IRGM: variants seen among roughly 807,000 people sequenced by gnomAD.
The protein encoded by IRGM is immunity related GTPase M.
For missense variants in IRGM, 288 were observed against 219.9 expected (o/e 1.31, Z -1.96); for synonymous variants, 98 against 80.6 (o/e 1.22, Z -1.16).
At chr5:150,882,931 G>A (rs532228669) in intron 3 of IRGM, among the ~76,000 whole-genome samples, 1 of 152,164 alleles carries the variant, frequency 6.6e-6, no homozygotes, top group East Asian at 1.9e-4. Flanking sequence ...CTTTTCAAGT[G>A]CACATAGAAT....
chr5:150,860,706 C>T (rs1177835752), intron 1 of IRGM, among the ~76,000 whole-genome samples: 1 of 152,200 alleles, frequency 6.6e-6, no homozygotes, highest in African/African-American at 2.4e-5. Context: ...TTTGCCACCA[C>T]TATTGCTTCT....
Position 150,847,878 on chromosome 5 carries a change from C to T in IRGM, c.-246C>T, listed in dbSNP as rs569495176. 5.1e-5 allele frequency: 24 copies of T among 473,540 alleles called. No individual in the cohort carries two copies. The highest frequency in any genetic ancestry group is 3.6e-4 in the Admixed American group (10 of 27,514). The allele number at this position is 473,540 out of a possible 1,614,324, so 29.3% of individuals were successfully genotyped here. ...AGTGCAATGGCGTGATCTCAGCTCA[C>T]TGCAATATCTGCGTCCAGGGTTCAA... On this transcript the variant is annotated 5_prime_UTR_variant, in exon 2 of 2. Transcript: ENST00000522154.
chr5:150,855,151 G>C (rs1018075669), intron 1 of IRGM, among the ~76,000 whole-genome samples: 6 of 152,120 alleles, frequency 3.9e-5, no homozygotes. Context: ...CTGGCTGCTA[G>C]CCAGCATTGC....
chr5:150,895,302 A>G, intron 3 of IRGM: 2 of 705,472 alleles, frequency 2.8e-6, no homozygotes, highest in Non-Finnish European at 4.3e-6. Context: ...ACCAAACTAG[A>G]AACAAATTCC....
chr5:150,875,758 C>A (rs952646211), intron 1 of IRGM, among the ~76,000 whole-genome samples: 6 of 152,202 alleles, frequency 3.9e-5, no homozygotes, highest in African/African-American at 1.4e-4. Context: ...CTGCTGAGTG[C>A]CCAATTTGCC....
downstream of IRGM, among the ~76,000 whole-genome samples, chr5:150,852,898 T>C (rs1002079880): frequency 2.0e-5 from 3 of 152,130 alleles, no homozygotes; most frequent in Non-Finnish European, 4.4e-5. Flanking sequence ...AAAATAATAT[T>C]GAGTTTCTTT....
intron 1 of IRGM, among the ~76,000 whole-genome samples, chr5:150,863,150 A>G (rs2113267164): frequency 6.6e-6 from 1 of 152,326 alleles, no homozygotes; most frequent in East Asian, 1.9e-4. Context: ...CAAATTTAGA[A>G]AACAGAATTT....
chr5:150,856,165 G>A (rs1754046281), intron 1 of IRGM, among the ~76,000 whole-genome samples: 1 of 152,142 alleles, frequency 6.6e-6, no homozygotes, highest in Non-Finnish European at 1.5e-5. Flanking sequence ...GGGGGTGGCG[G>A]CTCATACCTG....
In IRGM at chr5:150,883,346, A is replaced by G. The variant is rs1754472422; in HGVS notation, c.*140+3700A>G. On this transcript the variant is annotated intron_variant and NMD_transcript_variant, in intron 3 of 3. Transcript: ENST00000520549. The stretch of plus-strand genomic sequence containing the variant: ...ACAACGTAGTGTTATACCTCAAGGA[A>G]CTAAAAAGATAAGAAAAACTAAGCC... 2.0e-5 allele frequency among the ~76,000 whole-genome samples: 3 copies of G among 150,676 alleles called. No individual in the cohort carries two copies. The South Asian group carries it at 6.3e-4, about 32-fold the overall frequency.
intron 1 of IRGM, among the ~76,000 whole-genome samples, chr5:150,870,417 C>A (rs1160309272): frequency 2.6e-5 from 4 of 151,718 alleles, no homozygotes; most frequent in Non-Finnish European, 5.9e-5. Flanking sequence ...ACCAGTAAGA[C>A]AATTTGCTGA....
rs1412224724 is a variant in IRGM, at chr5:150,848,312, A to G, written c.189A>G (p.Ser63=). 6.4e-7 allele frequency: 1 copy of G among 1,551,538 alleles called. No homozygotes were observed. Among genetic ancestry groups the G allele is most frequent in the Admixed American group, 2.0e-5 (1 of 50,972 alleles). ...ACACAGGACATGAGGGTAAGGCCTC[A>G]CCTCCTACTGAGCTGGTAAAAGCTA... is the stretch of plus-strand genomic sequence containing the variant. ...LRNTGHEGKA[S]PPTELVKATQ... Residue 63 remains serine, a synonymous_variant, in exon 2 of 2, where the codon TCA becomes TCG. Transcript: ENST00000522154.
At chr5:150,885,327 A>G (rs1011852717) in intron 3 of IRGM, among the ~76,000 whole-genome samples, 2 of 149,342 alleles carry the variant, frequency 1.3e-5, no homozygotes, top group East Asian at 2.3e-4. Flanking sequence ...GCACTGTAGT[A>G]TAGTTTGAAG....
intron 1 of IRGM, among the ~76,000 whole-genome samples, chr5:150,873,053 G>T (rs963560261): frequency 1.3e-5 from 2 of 152,174 alleles, no homozygotes; most frequent in Non-Finnish European, 2.9e-5. Flanking sequence ...TCCCGAGGTG[G>T]CACGAGCCAA....
chr5:150,872,423 TCTC>T (rs1300461893), intron 1 of IRGM, among the ~76,000 whole-genome samples: 3 of 152,140 alleles, frequency 2.0e-5, no homozygotes, highest in Non-Finnish European at 4.4e-5. Flanking sequence ...CAATGTTTAT[TCTC>T]CTCAGGAACC....
chr5:150,865,667 T>G (rs1264559731), intron 1 of IRGM, among the ~76,000 whole-genome samples: 1 of 152,192 alleles, frequency 6.6e-6, no homozygotes, highest in East Asian at 1.9e-4. Flanking sequence ...CCAACAAATA[T>G]TAACAGGCTT....
chr5:150,867,589 T>C (rs1754225299), intron 1 of IRGM, among the ~76,000 whole-genome samples: 1 of 152,206 alleles, frequency 6.6e-6, no homozygotes, highest in Non-Finnish European at 1.5e-5. Context: ...TAGTTTACAT[T>C]CTTACCAGCA....
intron 1 of IRGM, among the ~76,000 whole-genome samples, chr5:150,870,342 C>A (rs569073881): frequency 6.6e-6 from 1 of 152,124 alleles, no homozygotes; most frequent in South Asian, 2.1e-4. Context: ...GGTGGAGATG[C>A]CCTTGATTTT....
chr5:150,858,683 A>G (rs201787378), intron 1 of IRGM, among the ~76,000 whole-genome samples: 16,272 of 151,794 alleles, frequency 0.11, 1,143 homozygotes, highest in East Asian at 0.39. Context: ...ATTCTCTTTG[A>G]AGCAATTGTG....
chr5:150,873,949 C>G (rs1457958830), intron 1 of IRGM, among the ~76,000 whole-genome samples: 1 of 152,166 alleles, frequency 6.6e-6, no homozygotes, highest in Non-Finnish European at 1.5e-5. Context: ...TCTTATTTGG[C>G]CTGTGAAGAG....
Sources: gnomAD v4.1 joint callset for allele counts (sites outside exome capture counted in the v4.1 genomes callset) on GRCh38, gnomAD v4.1.1 for gene constraint, MANE v1.5 for transcripts, NCBI Gene and HGNC (gene_info 2026-07-23, HGNC 2026-07-21) for gene names.